Variants in SENP6 observed in about 807,000 individuals in gnomAD.
SENP6 encodes sentrin-specific protease 6.
Under a neutral mutation model 134.5 loss-of-function variants are expected in SENP6, and 41 were observed. The ratio of observed to expected loss-of-function variants is 0.30; its 90% CI spans 0.24 to 0.40. The LOEUF (loss-of-function observed/expected upper bound fraction) is 0.40, where lower values mean the gene tolerates loss of function less well. SENP6 is among the 10% of genes least tolerant of loss of function. The pLI, the probability that SENP6 is intolerant of heterozygous loss-of-function variation, is 1.00. For synonymous variants in SENP6, 395 were observed against 429.8 expected (o/e 0.92, Z 1.00); for missense variants, 1,248 against 1,312.5 (o/e 0.95, Z 0.76).
At chr6:75,624,048 C>T in intron 3 of SENP6, 88 bp downstream of exon 3, 1 of 1,011,174 alleles carries the variant, frequency 9.9e-7, no homozygotes, top group South Asian at 1.6e-5. Flanking sequence ...AAATTATAAA[C>T]CCCAGTTACC....
At chr6:75,646,376 AT>A (rs1770438497) in intron 6 of SENP6, 1 of 152,166 alleles carries the variant, frequency 6.6e-6, no homozygotes, top group Non-Finnish European at 1.5e-5. Context: ...TGGCATTGCT[AT>A]TTAATAATTG....
chr6:75,709,262 A>G (rs1582910376), intron 19 of SENP6, among the ~76,000 whole-genome samples: 1 of 152,316 alleles, frequency 6.6e-6, no homozygotes. Context: ...GTATTTAAGT[A>G]TATGTATACT....
At chr6:75,699,354 CTTTTTTTT>C (rs71544060) in intron 18 of SENP6, among the ~76,000 whole-genome samples, 12 of 115,030 alleles carry the variant, frequency 1.0e-4, no homozygotes, top group Non-Finnish European at 1.8e-4. Flanking sequence ...TTTGTTTTTG[CTTTTTTTT>C]TTTTTTTTTT....
Position 75,712,568 on chromosome 6 carries a change from G to T in SENP6, c.2910-945G>T, listed in dbSNP as rs978712464. 9.3e-5 allele frequency among the ~76,000 whole-genome samples: 14 copies of T among 150,584 alleles called. No individual in the cohort carries two copies. In the Admixed American group the frequency reaches 9.3e-4, roughly 10 times the overall value. ...ACTGTGGTGGCTAAAAAATAACCTA[G>T]ATTTTTTTTAACATTTGAGGAGTTT... is the stretch of plus-strand genomic sequence containing the variant. On this transcript the variant is annotated intron_variant, in intron 21 of 23. Transcript: ENST00000447266.
intron 1 of SENP6, among the ~76,000 whole-genome samples, chr6:75,605,394 G>C (rs1472511025): frequency 6.6e-6 from 1 of 152,058 alleles, no homozygotes; most frequent in East Asian, 1.9e-4. Context: ...AAAAAGTAAT[G>C]ACTTTTTTTT....
intron 16 of SENP6, 27 bp from the exon 17 acceptor site, chr6:75,695,777 A>T: frequency 6.6e-7 from 1 of 1,510,624 alleles, no homozygotes; most frequent in East Asian, 2.3e-5. Flanking sequence ...TACATTAATT[A>T]TATTTGAATT....
rs116745924 is a variant in SENP6 at position 75,635,078 on chromosome 6, T to G, written c.458+267T>G. The G allele has an allele frequency of 1.0e-3, 511 of 495,898 alleles. 4 individuals carry two copies. The highest frequency in any genetic ancestry group is 8.4e-3 in the African/African-American group (431 of 51,444). 30.7% of individuals were successfully genotyped at this position (495,898 alleles called of 1,614,324 possible). A position where few individuals can be genotyped will look rare whatever the true frequency, so the allele number is the denominator to read the frequency against. On this transcript the variant is annotated intron_variant, in intron 5 of 23. Transcript: ENST00000447266. ...AATCTAAGATGATACTGAAACTGATTTACAATATTGACCTGAAAGTGTTTG... is the reference window on the plus strand; with the variant it reads ...AATCTAAGATGATACTGAAACTGATGTACAATATTGACCTGAAAGTGTTTG...
intron 7 of SENP6, among the ~76,000 whole-genome samples, chr6:75,653,433 A>G (rs13195806): frequency 0.035 from 5,323 of 152,244 alleles, 134 homozygotes; most frequent in Non-Finnish European, 0.054. Flanking sequence ...CAACCCTGGG[A>G]TTTTAAAAAT....
rs1422625328 is a variant in SENP6, at chr6:75,612,496, T to A, written c.53-9036T>A. Among the ~76,000 whole-genome samples the A allele has an allele frequency of 2.6e-5, 4 of 152,256 alleles. No homozygotes were observed. In the East Asian group the frequency reaches 7.7e-4, roughly 29 times the overall value. On this transcript the variant is annotated intron_variant, in intron 1 of 23. Coordinates refer to ENST00000447266, the MANE Select transcript of SENP6 (RefSeq NM_015571.4). ...ACAGGCTTGTGCCACCACAACCAGCTGATTTTTTTATTTTTGTAGAGACAG... is the reference window on the plus strand; with the variant it reads ...ACAGGCTTGTGCCACCACAACCAGCAGATTTTTTTATTTTTGTAGAGACAG...
intron 16 of SENP6, among the ~76,000 whole-genome samples, chr6:75,694,704 C>G (rs564115378): frequency 1.4e-4 from 21 of 152,236 alleles, no homozygotes; most frequent in African/African-American, 3.9e-4. Flanking sequence ...TTTCTATGAT[C>G]ATGTATTATC....
At position 75,648,418 on chromosome 6, in the gene SENP6, G is replaced by A. The variant is rs376254398; in HGVS notation, c.550+617G>A. ...TCTTGTTTTTCTGAGGCCTTTGTTT[G>A]TTTAAATAGCTCTGATGGCTCTTAC... On this transcript the variant is annotated intron_variant, in intron 7 of 23. Coordinates refer to ENST00000447266, the MANE Select transcript of SENP6 (RefSeq NM_015571.4). 2.6e-5 allele frequency among the ~76,000 whole-genome samples: 4 copies of A among 152,020 alleles called. No homozygotes were observed. In the East Asian group the frequency reaches 7.7e-4, roughly 29 times the overall value.
At chr6:75,670,050 C>CAGCCTCCTGAGT (rs542726089) in intron 10 of SENP6, among the ~76,000 whole-genome samples, 15 of 152,260 alleles carry the variant, frequency 9.9e-5, no homozygotes, top group African/African-American at 3.6e-4. Context: ...TCTCCTGCCT[C>CAGCCTCCTGAGT]AGCCTCCTGA....
At chr6:75,663,646 C>G in intron 9 of SENP6, 128 bp downstream of exon 9, 6 of 710,520 alleles carry the variant, frequency 8.4e-6, no homozygotes, top group Non-Finnish European at 1.1e-5. Flanking sequence ...TAATCTTGTT[C>G]TCATCCTGTC....
Position 75,663,395 on chromosome 6 carries a change from T to G in SENP6, c.871T>G (p.Cys291Gly). ...GGTTCCAATTGATATTATTGTGAAT[T>G]GTGATGACAGTAAACACACTTATTT... is the stretch of plus-strand genomic sequence containing the variant. ...EKVPIDIIVN[C>G]DDSKHTYLQT... is the part of the protein sequence containing the mutation. The change falls in exon 9 of 24, where the codon TGT becomes GGT. Residue 291 changes from cysteine (C) to glycine (G), a missense_variant. By Grantham distance (159) the Cys-to-Gly change is radical. Around this residue, in one of 3 missense-constraint regions of SENP6, gnomAD observed 733 missense variants for 725.4 expected, o/e 1.01. Transcript: ENST00000447266. 1 of 1,613,814 alleles carries G rather than the reference T, an allele frequency of 6.2e-7. No individual in the cohort carries two copies. Among genetic ancestry groups the G allele is most frequent in the Non-Finnish European group, 8.5e-7 (1 of 1,179,848 alleles).
rs190407996 is a variant in SENP6, at chr6:75,633,641, G to A, written c.268G>A (p.Val90Ile). 1.8e-4 allele frequency: 291 copies of A among 1,611,820 alleles called. No individual in the cohort carries two copies. In the African/African-American group the frequency reaches 3.5e-3, roughly 20 times the overall value. The change falls in exon 4 of 24, where the codon GTA becomes ATA. Residue 90 changes from valine to isoleucine, a missense_variant. By Grantham distance (29) the Val-to-Ile change is conservative. Around this residue, in one of 3 missense-constraint regions of SENP6, gnomAD observed 733 missense variants for 725.4 expected, o/e 1.01. Transcript: ENST00000447266. ...SSGEFILKTY[V>I]RRNKSESFKT... ...TGGTGAATTCATCTTGAAGACATATGTAAGACGAAACAAGTCTGAAAGTTT... is the reference window on the plus strand; with the variant it reads ...TGGTGAATTCATCTTGAAGACATATATAAGACGAAACAAGTCTGAAAGTTT...
At chr6:75,710,374 G>A (rs1283865599) in intron 20 of SENP6, among the ~76,000 whole-genome samples, 1 of 152,060 alleles carries the variant, frequency 6.6e-6, no homozygotes, top group East Asian at 1.9e-4. Flanking sequence ...GTTAAAAGAG[G>A]ATTTTATATT....
At chr6:75,649,985 CTTA>C (rs780627483) in intron 7 of SENP6, among the ~76,000 whole-genome samples, 1 of 152,150 alleles carries the variant, frequency 6.6e-6, no homozygotes, top group Non-Finnish European at 1.5e-5. Context: ...AGCTGTAGAA[CTTA>C]TTTAGATTTC....
chr6:75,667,132 G>C (rs896481591), intron 10 of SENP6, among the ~76,000 whole-genome samples, 191 bp downstream of exon 10: 2 of 152,094 alleles, frequency 1.3e-5, no homozygotes, highest in African/African-American at 4.8e-5. Context: ...TAAACTTAAG[G>C]CTTGAAGTAT....
chr6:75,617,414 C>G (rs1055388170), intron 1 of SENP6, among the ~76,000 whole-genome samples: 1 of 151,676 alleles, frequency 6.6e-6, no homozygotes, highest in Admixed American at 6.6e-5. Flanking sequence ...GGTGGGGTTA[C>G]AGGCATGCAC....
Sources: gnomAD v4.1 joint callset for allele counts (sites outside exome capture counted in the v4.1 genomes callset) on GRCh38, gnomAD v4.1.1 for gene constraint, gnomAD v4.1.1 regional missense constraint, MANE v1.5 for transcripts, NCBI Gene and HGNC (gene_info 2026-07-23, HGNC 2026-07-21) for gene names.